Variants in UBE2R2 observed in about 807,000 individuals in gnomAD.
UBE2R2 encodes the protein ubiquitin-conjugating enzyme E2 R2.
UBE2R2 carries 1 observed loss-of-function variant against 27.8 expected under a neutral mutation model. The ratio of observed to expected loss-of-function variants is 0.04; its 90% CI spans 0.01 to 0.17. The LOEUF (loss-of-function observed/expected upper bound fraction) is 0.17, where lower values mean the gene tolerates loss of function less well. Among genes scored for constraint, UBE2R2 ranks in the 10% least tolerant of loss-of-function variants. UBE2R2 has a pLI of 1.00. For synonymous variants in UBE2R2, 106 were observed against 113.3 expected, an observed-to-expected ratio of 0.94 and a Z score of 0.41; for missense variants, 100 against 291.0, an observed-to-expected ratio of 0.34 and a Z score of 4.78.
chr9:33,885,783 T>A lies in UBE2R2; in HGVS notation c.178-1098T>A, dbSNP rs944839782. Among the ~76,000 whole-genome samples the A allele has an allele frequency of 3.3e-5, 5 of 152,210 alleles. No homozygotes were observed. The South Asian group carries it at 1.0e-3, about 32-fold the overall frequency. ...TTATTTTCTGGAATTCTGAAAATGA[T>A]GCTTATAATTTTTGGCAATTTTCCC... On this transcript the variant is annotated intron_variant, in intron 1 of 4. Transcript: ENST00000263228.
In UBE2R2 at chr9:33,918,062, T is replaced by C. The variant is rs1337524206; in HGVS notation, c.*825T>C. The C allele has an allele frequency of 3.9e-5, 6 of 153,626 alleles. No individual in the cohort carries two copies. In the East Asian group the frequency reaches 1.2e-3, roughly 30 times the overall value. 9.5% of individuals were successfully genotyped at this position (153,626 alleles called of 1,614,324 possible). On this transcript the variant is annotated 3_prime_UTR_variant, in exon 5 of 5. Coordinates refer to ENST00000263228, the MANE Select transcript of UBE2R2 (RefSeq NM_017811.4). The stretch of plus-strand genomic sequence containing the variant: ...CCAGGGAGTGGGGCAAGCGGGGAAG[T>C]TGGGATGAGTGCGTGTGGGAGCAAA...
At chr9:33,845,708 T>C (rs1374179002) in intron 1 of UBE2R2, among the ~76,000 whole-genome samples, 2 of 152,174 alleles carry the variant, frequency 1.3e-5, no homozygotes, top group Non-Finnish European at 2.9e-5. Context: ...GATAAGATAC[T>C]TCATTTAGAA....
At chr9:33,916,985 C>A in intron 4 of UBE2R2, 33 bp from the exon 5 acceptor site, 1 of 1,611,974 alleles carries the variant, frequency 6.2e-7, no homozygotes, top group Non-Finnish European at 8.5e-7. Context: ...AAAAGACTTA[C>A]CGTAAACCAT....
intron 1 of UBE2R2, among the ~76,000 whole-genome samples, chr9:33,880,973 A>G (rs1821720681): frequency 6.6e-6 from 1 of 152,162 alleles, no homozygotes. Context: ...CCTGGTGCCA[A>G]AAGGGTTGGG....
intron 1 of UBE2R2, among the ~76,000 whole-genome samples, chr9:33,861,503 GAGGTGGAGGTTGCAGT>G (rs1219520006): frequency 7.9e-5 from 12 of 152,002 alleles, no homozygotes; most frequent in East Asian, 5.9e-4. Flanking sequence ...TTGAACCTGG[GAGGTGGAGGTTGCAGT>G]AGGTGGAGGT....
chr9:33,880,092 C>T (rs1310447913), intron 1 of UBE2R2, among the ~76,000 whole-genome samples: 1 of 151,624 alleles, frequency 6.6e-6, no homozygotes, highest in East Asian at 2.0e-4. Flanking sequence ...TACCATGTTG[C>T]TCAGGCTGCC....
At chr9:33,852,815 C>T (rs978809638) in intron 1 of UBE2R2, among the ~76,000 whole-genome samples, 12 of 152,132 alleles carry the variant, frequency 7.9e-5, no homozygotes, top group African/African-American at 2.9e-4. Flanking sequence ...CAAGACCAGT[C>T]TGGCCAATAT....
rs138324687 is a variant in UBE2R2 at position 33,869,638 on chromosome 9, G to A, written c.178-17243G>A. 3.9e-3 allele frequency among the ~76,000 whole-genome samples: 595 copies of A among 151,674 alleles called. 2 individuals carry two copies. The highest frequency in any genetic ancestry group is 0.014 in the African/African-American group (575 of 41,354). On this transcript the variant is annotated intron_variant, in intron 1 of 4. Coordinates refer to ENST00000263228, the MANE Select transcript of UBE2R2 (RefSeq NM_017811.4). Reference sequence around the variant, plus strand: ...CTAATTTTGTATATTTAGTAGAGACGGGGTTTTCACCATGTTGGCCAGGCT... The same window carrying A: ...CTAATTTTGTATATTTAGTAGAGACAGGGTTTTCACCATGTTGGCCAGGCT...
intron 1 of UBE2R2, among the ~76,000 whole-genome samples, chr9:33,882,576 C>G (rs549868309): frequency 6.6e-6 from 1 of 152,182 alleles, no homozygotes; most frequent in African/African-American, 2.4e-5. Flanking sequence ...AGCCACCATA[C>G]CGGCCAAATA....
chr9:33,866,981 A>T (rs1360550027), intron 1 of UBE2R2, among the ~76,000 whole-genome samples: 1 of 152,128 alleles, frequency 6.6e-6, no homozygotes, highest in East Asian at 1.9e-4. Context: ...CAGAATTATC[A>T]ATGTTTTCTT....
At chr9:33,839,688 T>C (rs1409448875) in intron 1 of UBE2R2, among the ~76,000 whole-genome samples, 1 of 152,196 alleles carries the variant, frequency 6.6e-6, no homozygotes, top group Non-Finnish European at 1.5e-5. Flanking sequence ...TCTCCAGAAC[T>C]GTGAGAAATA....
At chr9:33,916,791 A>G (rs567213723) in intron 4 of UBE2R2, among the ~76,000 whole-genome samples, 1 of 152,304 alleles carries the variant, frequency 6.6e-6, no homozygotes, top group African/African-American at 2.4e-5. Flanking sequence ...AACTCCCTTG[A>G]TATTAACAGT....
At chr9:33,894,925 C>G (rs537883450) in intron 2 of UBE2R2, among the ~76,000 whole-genome samples, 1 of 152,198 alleles carries the variant, frequency 6.6e-6, no homozygotes, top group South Asian at 2.1e-4. Flanking sequence ...GTCTGGAACT[C>G]CTGGCCTCAA....
chr9:33,826,052 A>G (rs35087440), intron 1 of UBE2R2, among the ~76,000 whole-genome samples: 10,301 of 151,450 alleles, frequency 0.068, 487 homozygotes, highest in Non-Finnish European at 0.099. Context: ...CTGAGGCAGG[A>G]GAATCGCTTG....
chr9:33,842,561 T>C (rs911011923), intron 1 of UBE2R2, among the ~76,000 whole-genome samples: 16 of 152,228 alleles, frequency 1.1e-4, no homozygotes, highest in African/African-American at 3.9e-4. Context: ...GGATTGCTCA[T>C]GTTGATCTCG....
At chr9:33,840,074 G>A (rs984745641) in intron 1 of UBE2R2, among the ~76,000 whole-genome samples, 3 of 152,252 alleles carry the variant, frequency 2.0e-5, no homozygotes, top group East Asian at 3.9e-4. Context: ...AACTAAGTAG[G>A]TATGTTTTCT....
chr9:33,859,975 T>C (rs909318852), intron 1 of UBE2R2, among the ~76,000 whole-genome samples: 1 of 151,990 alleles, frequency 6.6e-6, no homozygotes, highest in East Asian at 1.9e-4. Context: ...TCCAGCTAAT[T>C]TTTAAAATTT....
intron 1 of UBE2R2, among the ~76,000 whole-genome samples, chr9:33,843,182 G>A (rs1820768617): frequency 6.6e-6 from 1 of 151,330 alleles, no homozygotes; most frequent in African/African-American, 2.4e-5. Context: ...CCAAATAGCT[G>A]GGATTACAGA....
chr9:33,868,649 G>A (rs1821416041), intron 1 of UBE2R2: 1 of 152,116 alleles, frequency 6.6e-6, no homozygotes, highest in African/African-American at 2.4e-5. Flanking sequence ...CTTTACCTTG[G>A]TGCAATTTTT....
Sources: gnomAD v4.1 joint callset for allele counts (sites outside exome capture counted in the v4.1 genomes callset) on GRCh38, gnomAD v4.1.1 for gene constraint, MANE v1.5 for transcripts, NCBI Gene and HGNC (gene_info 2026-07-23, HGNC 2026-07-21) for gene names.